Variants in KSR2 observed in about 807,000 individuals in gnomAD.
The protein encoded by KSR2 is kinase suppressor of ras 2.
In KSR2, 25 loss-of-function variants were observed where a neutral mutation model predicts 107.8. The ratio of observed to expected loss-of-function variants is 0.23; its 90% confidence interval spans 0.17 to 0.32. The LOEUF (loss-of-function observed/expected upper bound fraction) is 0.32, where lower values mean the gene tolerates loss of function less well. Among genes scored for constraint, KSR2 ranks in the 10% least tolerant of loss-of-function variants. The probability of loss-of-function intolerance (pLI) is 1.00; values close to 1 mark genes in which losing one functional copy is unlikely to be tolerated. For synonymous variants in KSR2, 480 were observed against 507.0 expected (o/e 0.95, Z 0.71); for missense variants, 887 against 1,268.9 (o/e 0.70, Z 4.57).
chr12:117,794,959 A>G (rs1274862237), intron 3 of KSR2, among the ~76,000 whole-genome samples: 3 of 152,216 alleles, frequency 2.0e-5, no homozygotes, highest in Non-Finnish European at 4.4e-5. Context: ...ATCAGAGAAC[A>G]CTGCTAATGG....
intron 3 of KSR2, among the ~76,000 whole-genome samples, chr12:117,786,693 G>A (rs1023058097): frequency 1.3e-5 from 2 of 152,102 alleles, no homozygotes; most frequent in Non-Finnish European, 2.9e-5. Context: ...GTGGGTGCCT[G>A]TAATCCCAGT....
intron 5 of KSR2, among the ~76,000 whole-genome samples, chr12:117,639,740 C>T (rs2136399815): frequency 6.6e-6 from 1 of 151,684 alleles, no homozygotes; most frequent in South Asian, 2.1e-4. Context: ...TCTCCTGTTG[C>T]ACCCTCCCTC....
intron 3 of KSR2, among the ~76,000 whole-genome samples, chr12:117,839,516 C>A (rs879468444): frequency 6.6e-6 from 1 of 152,122 alleles, no homozygotes; most frequent in Non-Finnish European, 1.5e-5. Context: ...CTCAGAACAC[C>A]GCCTGACACT....
intron 5 of KSR2, among the ~76,000 whole-genome samples, chr12:117,658,321 G>A (rs1348086016): frequency 1.3e-5 from 2 of 152,190 alleles, no homozygotes; most frequent in African/African-American, 4.8e-5. Context: ...GTGGATACAG[G>A]ACGATCCATT....
intron 4 of KSR2, among the ~76,000 whole-genome samples, chr12:117,740,303 T>G (rs1259030509): frequency 2.1e-5 from 3 of 142,250 alleles, no homozygotes; most frequent in Non-Finnish European, 4.5e-5. Flanking sequence ...TACATATATA[T>G]AATATATATA....
chr12:117,967,036 T>G (rs970757740), intron 1 of KSR2, among the ~76,000 whole-genome samples: 3 of 152,084 alleles, frequency 2.0e-5, no homozygotes, highest in Admixed American at 2.0e-4. Context: ...GCTGGGTTGG[T>G]TTGGGAGAAG....
chr12:117,600,163 A>G (rs1274220057), intron 5 of KSR2, among the ~76,000 whole-genome samples: 1 of 152,166 alleles, frequency 6.6e-6, no homozygotes, highest in Non-Finnish European at 1.5e-5. Flanking sequence ...CCCAAAAAGG[A>G]ACTCAGGGCC....
intron 5 of KSR2, among the ~76,000 whole-genome samples, chr12:117,625,520 T>C (rs75067783): frequency 2.0e-5 from 3 of 152,210 alleles, no homozygotes; most frequent in African/African-American, 7.2e-5. Context: ...GATTTGCATA[T>C]GTTGAACCAG....
chr12:117,742,579 G>T (rs906880216), intron 4 of KSR2, among the ~76,000 whole-genome samples: 1 of 130,912 alleles, frequency 7.6e-6, no homozygotes. Context: ...TGAACAGACA[G>T]ATAAAAGGGT....
At chr12:117,534,171 A>G (rs1875862801) in intron 10 of KSR2, among the ~76,000 whole-genome samples, 1 of 152,104 alleles carries the variant, frequency 6.6e-6, no homozygotes, top group Non-Finnish European at 1.5e-5. Context: ...GCCTACCCTG[A>G]GGCCTCCCAA....
intron 7 of KSR2, among the ~76,000 whole-genome samples, chr12:117,568,598 A>C (rs1050902173): frequency 6.6e-6 from 1 of 152,168 alleles, no homozygotes; most frequent in South Asian, 2.1e-4. Context: ...CCTCGTCTGT[A>C]AAATGGGGGT....
At chr12:117,526,502 C>T (rs896632894) in intron 13 of KSR2, among the ~76,000 whole-genome samples, 1 of 152,204 alleles carries the variant, frequency 6.6e-6, no homozygotes, top group Non-Finnish European at 1.5e-5. Flanking sequence ...ACATTGATTT[C>T]TCCCGGGATC....
At position 117,759,625 on chromosome 12, in the gene KSR2, T is replaced by C. The variant is rs561733870; in HGVS notation, c.986+1386A>G. 2.6e-5 allele frequency among the ~76,000 whole-genome samples: 4 copies of C among 152,300 alleles called. No individual in the cohort carries two copies. In the South Asian group the frequency reaches 8.3e-4, roughly 32 times the overall value. On this transcript the variant is annotated intron_variant, in intron 4 of 19. Coordinates refer to ENST00000339824, the MANE Select transcript of KSR2 (RefSeq NM_173598.6). Reference sequence around the variant, plus strand: ...TCCCAAATGCAAAGTCTATATCCAATAAATAACAACTCCCCATTCTCCCTC... The same window carrying C: ...TCCCAAATGCAAAGTCTATATCCAACAAATAACAACTCCCCATTCTCCCTC...
chr12:117,723,171 A>G (rs1221128469), intron 4 of KSR2, among the ~76,000 whole-genome samples: 1 of 152,192 alleles, frequency 6.6e-6, no homozygotes, highest in Non-Finnish European at 1.5e-5. Context: ...GAAGAATCAA[A>G]CCAAACCACA....
intron 5 of KSR2, among the ~76,000 whole-genome samples, chr12:117,600,400 C>T (rs1880873509): frequency 6.6e-6 from 1 of 152,214 alleles, no homozygotes; most frequent in Non-Finnish European, 1.5e-5. Context: ...AGCCACTGTG[C>T]TCTGACACCT....
chr12:117,796,999 G>C (rs757683400), intron 3 of KSR2, among the ~76,000 whole-genome samples: 3 of 152,164 alleles, frequency 2.0e-5, no homozygotes, highest in Admixed American at 6.5e-5. Flanking sequence ...ACACAACAAA[G>C]AACAAAGCCA....
Position 117,943,821 on chromosome 12 carries a change from C to T in KSR2, c.180+24255G>A, listed in dbSNP as rs1192973500. On this transcript the variant is annotated intron_variant, in intron 1 of 19. Coordinates refer to ENST00000339824, the MANE Select transcript of KSR2 (RefSeq NM_173598.6). ...GGGACCCAGTGGGAAATAATTGAAT[C>T]GTGGGGGCAGTTTCCCCCATACTGT... 2.6e-5 allele frequency among the ~76,000 whole-genome samples: 4 copies of T among 152,248 alleles called. No homozygotes were observed. The East Asian group carries it at 5.8e-4, about 22-fold the overall frequency.
intron 3 of KSR2, among the ~76,000 whole-genome samples, chr12:117,832,784 A>T (rs772532361): frequency 1.3e-5 from 2 of 152,194 alleles, no homozygotes; most frequent in Non-Finnish European, 2.9e-5. Flanking sequence ...ACCTACTCCT[A>T]GGCTATGAAG....
intron 1 of KSR2, among the ~76,000 whole-genome samples, chr12:117,929,298 A>G (rs1256495719): frequency 6.6e-6 from 1 of 152,162 alleles, no homozygotes. Flanking sequence ...CAACTGGGAG[A>G]TAATTGAATC....
Sources: gnomAD v4.1 joint callset for allele counts (sites outside exome capture counted in the v4.1 genomes callset) on GRCh38, gnomAD v4.1.1 for gene constraint, MANE v1.5 for transcripts, NCBI Gene and HGNC (gene_info 2026-07-23, HGNC 2026-07-21) for gene names.